Variants in ZNRF3 observed in about 807,000 individuals in gnomAD.
ZNRF3 encodes the protein E3 ubiquitin-protein ligase ZNRF3.
A neutral mutation model predicts 72.5 loss-of-function variants in ZNRF3; 23 were observed. That is an observed-to-expected ratio of 0.32 (90% CI 0.23 to 0.45). The LOEUF (loss-of-function observed/expected upper bound fraction) is 0.45. Among genes scored for constraint, ZNRF3 ranks in the 20% least tolerant of loss-of-function variants. ZNRF3 has a pLI of 1.00. For missense variants in ZNRF3, 1,169 were observed against 1,272.1 expected (o/e 0.92, Z 1.23); for synonymous variants, 610 against 545.3 (o/e 1.12, Z -1.65).
intron 2 of ZNRF3, among the ~76,000 whole-genome samples, chr22:29,033,367 A>G (rs922806933): frequency 1.3e-5 from 2 of 151,830 alleles, no homozygotes; most frequent in Non-Finnish European, 2.9e-5. Context: ...AAAAAAAAAA[A>G]AAAAAGGCTC....
At chr22:28,907,597 C>T (rs992285247) in intron 1 of ZNRF3, among the ~76,000 whole-genome samples, 1 of 152,118 alleles carries the variant, frequency 6.6e-6, no homozygotes, top group African/African-American at 2.4e-5. Context: ...TTTGGTTTTC[C>T]AACCCAGCAG....
intron 1 of ZNRF3, among the ~76,000 whole-genome samples, chr22:28,904,055 A>G (rs2034159235): frequency 6.6e-6 from 1 of 152,054 alleles, no homozygotes; most frequent in Non-Finnish European, 1.5e-5. Context: ...GGCGTTAGAG[A>G]GTGAGCTTGT....
chr22:28,947,469 A>G (rs1249095176), intron 1 of ZNRF3, among the ~76,000 whole-genome samples: 2 of 152,224 alleles, frequency 1.3e-5, no homozygotes, highest in African/African-American at 4.8e-5. Flanking sequence ...TACATTTCCC[A>G]TCAGTAGTGT....
chr22:28,981,285 T>A (rs1407223582), intron 1 of ZNRF3, among the ~76,000 whole-genome samples: 1 of 152,230 alleles, frequency 6.6e-6, no homozygotes, highest in African/African-American at 2.4e-5. Flanking sequence ...AAGGTTCTTA[T>A]TCTCTACAGA....
chr22:29,018,416 A>G (rs954204387), intron 2 of ZNRF3: 1 of 185,860 alleles, frequency 5.4e-6, no homozygotes, highest in African/African-American at 2.4e-5. Flanking sequence ...TTTGGGAGAA[A>G]CTTGGTGACT....
chr22:28,904,152 G>A (rs1569240490), intron 1 of ZNRF3, among the ~76,000 whole-genome samples: 1 of 152,114 alleles, frequency 6.6e-6, no homozygotes, highest in East Asian at 1.9e-4. Context: ...GTTAACCTTG[G>A]CTCCTCTTCA....
chr22:29,013,077 T>C (rs573266428), intron 2 of ZNRF3, among the ~76,000 whole-genome samples: 1 of 152,286 alleles, frequency 6.6e-6, no homozygotes, highest in African/African-American at 2.4e-5. Context: ...CCCCTCTTTT[T>C]TGGGAAGCCG....
chr22:28,995,907 C>T (rs1165633946), intron 2 of ZNRF3, among the ~76,000 whole-genome samples: 1 of 152,152 alleles, frequency 6.6e-6, no homozygotes, highest in South Asian at 2.1e-4. Flanking sequence ...ACCCGAGTAA[C>T]TGTGACTATA....
chr22:29,006,557 C>A (rs1289892978), intron 2 of ZNRF3, among the ~76,000 whole-genome samples: 1 of 152,140 alleles, frequency 6.6e-6, no homozygotes, highest in African/African-American at 2.4e-5. Flanking sequence ...CTTATCGTTC[C>A]TGGTTCCTTA....
intron 2 of ZNRF3, among the ~76,000 whole-genome samples, chr22:28,992,000 A>C (rs79350264): frequency 6.6e-6 from 1 of 151,444 alleles, no homozygotes; most frequent in Non-Finnish European, 1.5e-5. Context: ...AAAAAAAAAA[A>C]TAATAAGCTG....
rs150613895 is a variant in ZNRF3 at position 29,042,043 on chromosome 22, A to G, written c.427-452A>G. ...AAGACAAAAGTTTGTTAAGTTATCAATTATGTATTTTCCCCTATTATAAGT... is the reference window on the plus strand; with the variant it reads ...AAGACAAAAGTTTGTTAAGTTATCAGTTATGTATTTTCCCCTATTATAAGT... On this transcript the variant is annotated intron_variant, in intron 2 of 8. Coordinates refer to ENST00000544604, the MANE Select transcript of ZNRF3 (RefSeq NM_001206998.2). Among the ~76,000 whole-genome samples, 21 of 152,298 alleles carry G rather than the reference A, an allele frequency of 1.4e-4. No individual in the cohort carries two copies. The East Asian group carries it at 3.5e-3, about 25-fold the overall frequency.
At chr22:28,978,850 A>G (rs2035719340) in intron 1 of ZNRF3, among the ~76,000 whole-genome samples, 1 of 152,134 alleles carries the variant, frequency 6.6e-6, no homozygotes, top group Non-Finnish European at 1.5e-5. Context: ...CCTGTAGAAA[A>G]AGATTTTGCT....
intron 1 of ZNRF3, among the ~76,000 whole-genome samples, chr22:28,886,333 C>CTTA (rs955855725): frequency 1.3e-5 from 2 of 152,188 alleles, no homozygotes; most frequent in African/African-American, 4.8e-5. Flanking sequence ...ATAACATTTT[C>CTTA]TTTTGGTGAG....
chr22:29,032,199 G>A (rs1047568855), intron 2 of ZNRF3, among the ~76,000 whole-genome samples: 2 of 152,236 alleles, frequency 1.3e-5, no homozygotes, highest in African/African-American at 4.8e-5. Context: ...GGAGGAGGCT[G>A]TAAAAATTCA....
intron 1 of ZNRF3, among the ~76,000 whole-genome samples, chr22:28,981,174 T>C (rs763202258): frequency 1.8e-4 from 27 of 152,252 alleles, no homozygotes; most frequent in Non-Finnish European, 3.8e-4. Context: ...AGTGTTAGCA[T>C]GTGTGAATAA....
chr22:28,988,012 T>A (rs2035887346), intron 2 of ZNRF3, among the ~76,000 whole-genome samples: 1 of 152,214 alleles, frequency 6.6e-6, no homozygotes, highest in African/African-American at 2.4e-5. Context: ...TCAGCATTAC[T>A]TTGACTGCAG....
rs2033714525 is a variant in ZNRF3, at chr22:28,883,879, C to CGCTGCT, written c.117_122dup (p.Leu40_Leu41dup). 9.7e-7 allele frequency: 1 copy of CGCTGCT among 1,028,802 alleles called. No individual in the cohort carries two copies. Among genetic ancestry groups the CGCTGCT allele is most frequent in the Non-Finnish European group, 1.2e-6 (1 of 862,430 alleles). The allele number at this position is 1,028,802 out of a possible 1,614,324, so 63.7% of individuals were successfully genotyped here. ...CGCCTGCCGCCGCCGCCGCCGCTGCCGCTGCTGCTCGGGCTGCTGCTGGCG... is the reference window on the plus strand; with the variant it reads ...CGCCTGCCGCCGCCGCCGCCGCTGCCGCTGCTGCTGCTGCTCGGGCTGCTGCTGGCG... On this transcript the variant is annotated inframe_insertion, in exon 1 of 9. Transcript: ENST00000544604. The surrounding 1 kb of genome is among the most constrained non-coding windows in gnomAD (Gnocchi z 5.5).
intron 1 of ZNRF3, among the ~76,000 whole-genome samples, chr22:28,932,929 A>G (rs1601573871): frequency 6.6e-6 from 1 of 152,266 alleles, no homozygotes; most frequent in East Asian, 1.9e-4. Context: ...GATCTTTCCC[A>G]TGCCCCCTTC....
chr22:28,921,118 T>A (rs1353167885), intron 1 of ZNRF3, among the ~76,000 whole-genome samples: 1 of 152,166 alleles, frequency 6.6e-6, no homozygotes, highest in African/African-American at 2.4e-5. Context: ...CTTTGCCCCA[T>A]TGTTTAAAAA....
Sources: gnomAD v4.1 joint callset for allele counts (sites outside exome capture counted in the v4.1 genomes callset) on GRCh38, gnomAD v4.1.1 for gene constraint, Gnocchi (gnomAD v3.1) non-coding constraint, MANE v1.5 for transcripts, NCBI Gene and HGNC (gene_info 2026-07-23, HGNC 2026-07-21) for gene names.